ATE1: variants seen among roughly 807,000 people sequenced by gnomAD.
ATE1 encodes arginyltransferase 1.
Under a neutral mutation model 70.5 loss-of-function variants are expected in ATE1, and 36 were observed. The ratio of observed to expected loss-of-function variants is 0.51; its 90% CI spans 0.39 to 0.67. The LOEUF (loss-of-function observed/expected upper bound fraction) is 0.67, where lower values mean the gene tolerates loss of function less well. Among genes scored for constraint, ATE1 ranks in the 30% least tolerant of loss-of-function variants. The pLI is 0.00. For missense variants in ATE1, 593 were observed against 629.5 expected, an observed-to-expected ratio of 0.94 and a Z score of 0.62; for synonymous variants, 232 against 219.3, an observed-to-expected ratio of 1.06 and a Z score of -0.51.
At chr10:121,767,078 C>A (rs1436370117) in intron 11 of ATE1, among the ~76,000 whole-genome samples, 2 of 152,066 alleles carry the variant, frequency 1.3e-5, no homozygotes, top group Non-Finnish European at 2.9e-5. Flanking sequence ...AATTACACAC[C>A]ATGACCAGCA....
At chr10:121,764,475 G>A (rs1159688806) in intron 11 of ATE1, among the ~76,000 whole-genome samples, 15 of 89,098 alleles carry the variant, frequency 1.7e-4, no homozygotes, top group East Asian at 8.1e-4. Flanking sequence ...TGTCTGTACC[G>A]GTTCCTGCAA....
chr10:121,924,024 A>C (rs540872205), intron 2 of ATE1, among the ~76,000 whole-genome samples: 5 of 152,360 alleles, frequency 3.3e-5, no homozygotes, highest in African/African-American at 1.2e-4. Flanking sequence ...CAGAACGTTA[A>C]TAACTGCTGA....
At chr10:121,836,244 G>C (rs910867207) in intron 10 of ATE1, among the ~76,000 whole-genome samples, 2 of 152,174 alleles carry the variant, frequency 1.3e-5, no homozygotes, top group Non-Finnish European at 2.9e-5. Flanking sequence ...ACCCTGGTTT[G>C]ATGTAAAATG....
intron 9 of ATE1, among the ~76,000 whole-genome samples, chr10:121,839,554 A>G (rs534439844): frequency 3.9e-5 from 6 of 152,336 alleles, no homozygotes; most frequent in Non-Finnish European, 8.8e-5. Flanking sequence ...GGCAAAATCT[A>G]AAGTTATAAA....
chr10:121,926,130 A>G (rs1952079539), intron 1 of ATE1, among the ~76,000 whole-genome samples: 1 of 152,120 alleles, frequency 6.6e-6, no homozygotes, highest in Non-Finnish European at 1.5e-5. Context: ...AATCCCTTTA[A>G]CCTGGGAGGT....
At chr10:121,862,259 AC>A (rs1949500015) in intron 8 of ATE1, among the ~76,000 whole-genome samples, 1 of 152,126 alleles carries the variant, frequency 6.6e-6, no homozygotes, top group Non-Finnish European at 1.5e-5. Context: ...TCCGTACAGG[AC>A]CCAGTTTTGA....
intron 10 of ATE1, among the ~76,000 whole-genome samples, chr10:121,807,700 T>G (rs1414065099): frequency 6.6e-6 from 1 of 152,142 alleles, no homozygotes; most frequent in Admixed American, 6.5e-5. Context: ...AGTGGGTGAG[T>G]GGCATACTGT....
intron 10 of ATE1, among the ~76,000 whole-genome samples, chr10:121,833,999 T>G (rs1948344864): frequency 6.6e-6 from 1 of 152,204 alleles, no homozygotes; most frequent in Non-Finnish European, 1.5e-5. Flanking sequence ...AGCACAGGTC[T>G]TATGAAAATG....
chr10:121,772,555 CCT>C (rs1447296348), intron 11 of ATE1, among the ~76,000 whole-genome samples: 2 of 152,136 alleles, frequency 1.3e-5, no homozygotes, highest in African/African-American at 2.4e-5. Context: ...AATGAAAGGC[CCT>C]GTCTCACGCC....
Position 121,910,913 on chromosome 10 carries a change from AGGAACTGT to A in ATE1, c.568_575del (p.Thr190Ter). 1 of 1,613,276 alleles carries A rather than the reference AGGAACTGT, an allele frequency of 6.2e-7. No homozygotes were observed. The highest frequency in any genetic ancestry group is 8.5e-7 in the Non-Finnish European group (1 of 1,179,880). On this transcript the variant is annotated frameshift_variant, in exon 5 of 12. Transcript: ENST00000224652. LOFTEE classifies it high-confidence loss of function. ...ATCAAAAATCTTTACTACCTGGCTT[AGGAACTGT>A]GTGAACTTTAACTGAATGTGACGGT...
chr10:121,907,962 CG>C (rs1951268267), intron 5 of ATE1, among the ~76,000 whole-genome samples: 1 of 151,724 alleles, frequency 6.6e-6, no homozygotes, highest in Admixed American at 6.6e-5. Context: ...CACAACTGCT[CG>C]AAGAAATGCC....
At chr10:121,815,594 T>C (rs1264049805) in intron 10 of ATE1, among the ~76,000 whole-genome samples, 2 of 152,190 alleles carry the variant, frequency 1.3e-5, no homozygotes, top group Non-Finnish European at 2.9e-5. Flanking sequence ...CCTGGGGTAA[T>C]GAGTGAGTTC....
intron 10 of ATE1, among the ~76,000 whole-genome samples, chr10:121,799,138 G>A (rs1423617324): frequency 6.6e-6 from 1 of 152,134 alleles, no homozygotes; most frequent in Non-Finnish European, 1.5e-5. Flanking sequence ...TGACATCAAG[G>A]AGGAAAAGAC....
chr10:121,842,555 A>G (rs924945150), intron 8 of ATE1, among the ~76,000 whole-genome samples: 3 of 152,218 alleles, frequency 2.0e-5, no homozygotes, highest in African/African-American at 7.2e-5. Flanking sequence ...TCTCCCATGA[A>G]CACAGATGCA....
chr10:121,774,894 C>T (rs977697176), intron 11 of ATE1, among the ~76,000 whole-genome samples: 3 of 152,182 alleles, frequency 2.0e-5, no homozygotes, highest in African/African-American at 7.2e-5. Flanking sequence ...TTCCCTGACA[C>T]ACTCAAATGC....
chr10:121,889,029 T>A (rs138768816), intron 7 of ATE1, among the ~76,000 whole-genome samples: 41 of 152,260 alleles, frequency 2.7e-4, no homozygotes, highest in African/African-American at 6.7e-4. Flanking sequence ...TTATTTATTT[T>A]TTTGAGACAG....
chr10:121,814,620 T>G (rs1947462581), intron 10 of ATE1, among the ~76,000 whole-genome samples: 1 of 152,198 alleles, frequency 6.6e-6, no homozygotes, highest in African/African-American at 2.4e-5. Flanking sequence ...ACAGTTATCC[T>G]ATTTTATAGA....
chr10:121,917,783 C>T (rs1185147087), intron 3 of ATE1, among the ~76,000 whole-genome samples: 1 of 152,084 alleles, frequency 6.6e-6, no homozygotes, highest in Non-Finnish European at 1.5e-5. Flanking sequence ...TGGGGGATTG[C>T]TTTTTCCAAA....
chr10:121,777,824 G>C (rs979432562), intron 11 of ATE1, among the ~76,000 whole-genome samples: 15 of 152,238 alleles, frequency 9.9e-5, no homozygotes, highest in Admixed American at 9.2e-4. Flanking sequence ...ATGTTTATAA[G>C]AATACTTTGT....
Sources: gnomAD v4.1 joint callset for allele counts (sites outside exome capture counted in the v4.1 genomes callset) on GRCh38, gnomAD v4.1.1 for gene constraint, MANE v1.5 for transcripts, NCBI Gene and HGNC (gene_info 2026-07-23, HGNC 2026-07-21) for gene names.